Variants in GREB1 observed in about 807,000 individuals in gnomAD.
The protein encoded by GREB1 is protein GREB1.
Under a neutral mutation model 200.7 loss-of-function variants are expected in GREB1, and 106 were observed. That is an observed-to-expected ratio of 0.53 (90% confidence interval 0.45 to 0.62). The LOEUF is 0.62. GREB1 is among the 20% of genes least tolerant of loss of function. GREB1 has a pLI of 0.00. For missense variants in GREB1, 2,243 were observed against 2,556.8 expected, an observed-to-expected ratio of 0.88 and a Z score of 2.65; for synonymous variants, 1,132 against 1,092.4, an observed-to-expected ratio of 1.04 and a Z score of -0.72.
chr2:11,500,101 C>G (rs1035382796), intron 1 of GREB1, among the ~76,000 whole-genome samples: 1 of 152,158 alleles, frequency 6.6e-6, no homozygotes, highest in African/African-American at 2.4e-5. Flanking sequence ...CCTGCTTCAG[C>G]CTCCTGAGTA....
intron 1 of GREB1, among the ~76,000 whole-genome samples, chr2:11,540,985 T>G (rs1674693165): frequency 6.6e-6 from 1 of 152,248 alleles, no homozygotes. Context: ...GTCACCATGC[T>G]TCTGTGTTGG....
At chr2:11,509,320 A>G (rs1313737805) in intron 1 of GREB1, among the ~76,000 whole-genome samples, 2 of 152,186 alleles carry the variant, frequency 1.3e-5, no homozygotes, top group Non-Finnish European at 2.9e-5. Flanking sequence ...CCCCATATAT[A>G]TATTTCCCAG....
chr2:11,599,934 G>A (rs1681633791), intron 15 of GREB1, among the ~76,000 whole-genome samples: 2 of 152,164 alleles, frequency 1.3e-5, no homozygotes, highest in South Asian at 2.1e-4. Context: ...GTGGTTTACC[G>A]GGATTGGTCA....
chr2:11,585,958 A>C (rs1680042241), intron 9 of GREB1, 53 bp downstream of exon 9: 2 of 1,591,954 alleles, frequency 1.3e-6, no homozygotes, highest in Non-Finnish European at 1.7e-6. Flanking sequence ...AAAGGAAGGC[A>C]TGAGAAACAG....
At chr2:11,500,005 G>A (rs764825258) in intron 1 of GREB1, among the ~76,000 whole-genome samples, 33 of 150,794 alleles carry the variant, frequency 2.2e-4, no homozygotes, top group Non-Finnish European at 3.4e-4. Context: ...TTTTTGAGGC[G>A]GAGTCTCACT....
At position 11,569,324 on chromosome 2, in the gene GREB1, A is replaced by G. The variant is rs116606639; in HGVS notation, c.454+2668A>G. On this transcript the variant is annotated intron_variant, in intron 4 of 32. Coordinates refer to ENST00000381486, the MANE Select transcript of GREB1 (RefSeq NM_014668.4). ...AAAGCCTGGACCTTCAGTTACGTCTAGGGGCTGGGTGGGGGGATGCAGGCA... is the reference window on the plus strand; with the variant it reads ...AAAGCCTGGACCTTCAGTTACGTCTGGGGGCTGGGTGGGGGGATGCAGGCA... Among the ~76,000 whole-genome samples the G allele has an allele frequency of 1.0e-2, 1,462 of 146,758 alleles. 22 individuals are homozygous for G. The highest frequency in any genetic ancestry group is 0.034 in the African/African-American group (1,374 of 40,684).
In GREB1 at chr2:11,630,672, A is replaced by G. The variant is rs575375043; in HGVS notation, c.4611+563A>G. 1.2e-4 allele frequency among the ~76,000 whole-genome samples: 19 copies of G among 152,318 alleles called. No individual in the cohort carries two copies. The South Asian group carries it at 3.9e-3, about 32-fold the overall frequency. ...TAAATCCCAGACCTCAAATCATGTC[A>G]TCTATCTATACATATTTATACCTAT... On this transcript the variant is annotated intron_variant, in intron 26 of 32. Coordinates refer to ENST00000381486, the MANE Select transcript of GREB1 (RefSeq NM_014668.4).
rs140938943 is a variant in GREB1 at position 11,618,390 on chromosome 2, C to G, written c.3515C>G (p.Ala1172Gly). Residue 1172 changes from alanine to glycine, a missense_variant, in exon 22 of 33, where the codon GCC (alanine) becomes GGC (glycine). Around this residue, in one of 3 missense-constraint regions of GREB1, gnomAD observed 587 missense variants for 553.1 expected, o/e 1.06. Transcript: ENST00000381486. ...QPRGPAEEGRAPGEKQRPRAS... is the reference protein window; with the variant it reads ...QPRGPAEEGRGPGEKQRPRAS... ...CGTGGCCCCGCAGAGGAGGGCAGAGCCCCTGGTGAGAAACAGAGGCCCCGG... is the reference window on the plus strand; with the variant it reads ...CGTGGCCCCGCAGAGGAGGGCAGAGGCCCTGGTGAGAAACAGAGGCCCCGG... 25,925 of 1,611,618 alleles carry G rather than the reference C, an allele frequency of 0.016. 267 individuals are homozygous for G. The highest frequency in any genetic ancestry group is 0.035 in the South Asian group (3,176 of 90,912).
chr2:11,598,759 G>A lies in GREB1; in HGVS notation c.2232G>A (p.Thr744=), dbSNP rs769981783. The A allele has an allele frequency of 3.1e-6, 5 of 1,614,102 alleles. No individual in the cohort carries two copies. The highest frequency in any genetic ancestry group is 1.6e-4 in the Middle Eastern group (1 of 6,062). The change falls in exon 15 of 33, where the codon ACG becomes ACA. Residue 744 remains threonine (T), a synonymous_variant. Transcript: ENST00000381486. The stretch of plus-strand genomic sequence containing the variant: ...AACAGTATGTTCTGAAGCTAGACAC[G>A]GAGGCACAGACAAAATTTAAGGCTT... ...RVEQYVLKLD[T]EAQTKFKAFL... is the part of the protein sequence containing the mutation.
rs752093085 is a variant in GREB1, at chr2:11,598,709, G to A, written c.2182G>A (p.Glu728Lys). The A allele has an allele frequency of 6.2e-7, 1 of 1,614,198 alleles. No individual in the cohort carries two copies. The highest frequency in any genetic ancestry group is 8.5e-7 in the Non-Finnish European group (1 of 1,180,036). The change falls in exon 15 of 33, where the codon GAG (glutamate) becomes AAG (lysine). Residue 728 changes from glutamate (E) to lysine (K), a missense_variant. Physicochemically the swap from Glu to Lys is moderately conservative, Grantham distance 56. Transcript: ENST00000381486. ...GVLLELGLKKEHMTKQRVEQY... is the reference protein window; with the variant it reads ...GVLLELGLKKKHMTKQRVEQY... ...TTTGCTGGAGCTTGGTCTGAAGAAA[G>A]AGCACATGACGAAGCAGAGGGTGGA...
chr2:11,555,079 G>A (rs1320569833), intron 1 of GREB1, among the ~76,000 whole-genome samples: 2 of 152,132 alleles, frequency 1.3e-5, no homozygotes, highest in Non-Finnish European at 2.9e-5. Flanking sequence ...AGAGAATAAC[G>A]TATAGCCTTA....
chr2:11,524,702 C>T (rs1673814004), intron 1 of GREB1, among the ~76,000 whole-genome samples: 2 of 152,204 alleles, frequency 1.3e-5, no homozygotes, highest in African/African-American at 4.8e-5. Context: ...GTCATCTTCT[C>T]TTCACTGGTT....
chr2:11,595,034 G>A (rs1467031483), intron 11 of GREB1, among the ~76,000 whole-genome samples: 1 of 149,302 alleles, frequency 6.7e-6, no homozygotes, highest in Non-Finnish European at 1.5e-5. Context: ...CTTGATGTGA[G>A]TGGGACTTGC....
At chr2:11,630,759 C>G (rs1019675231) in intron 26 of GREB1, among the ~76,000 whole-genome samples, 3 of 152,162 alleles carry the variant, frequency 2.0e-5, no homozygotes, top group African/African-American at 7.2e-5. Context: ...TTGAAGAGGT[C>G]GTTCTGAACG....
chr2:11,606,179 G>A (rs998178197), intron 17 of GREB1, among the ~76,000 whole-genome samples: 2 of 152,176 alleles, frequency 1.3e-5, no homozygotes, highest in Non-Finnish European at 2.9e-5. Flanking sequence ...ATGTACATGG[G>A]TTTCACGTCT....
intron 1 of GREB1, among the ~76,000 whole-genome samples, chr2:11,504,790 A>G (rs1409433515): frequency 6.6e-6 from 1 of 152,210 alleles, no homozygotes; most frequent in Non-Finnish European, 1.5e-5. Context: ...GGCCATTATG[A>G]ATAATTCGAC....
At chr2:11,526,822 C>T (rs1029135737) in intron 1 of GREB1, among the ~76,000 whole-genome samples, 15 of 152,184 alleles carry the variant, frequency 9.9e-5, no homozygotes, top group East Asian at 5.8e-4. Context: ...CCTCCCAAAG[C>T]GCTGAGATTA....
At chr2:11,581,131 A>G (rs1465316466) in intron 7 of GREB1, 3 of 601,866 alleles carry the variant, frequency 5.0e-6, no homozygotes, top group African/African-American at 1.9e-5. Context: ...AGAATTTTGG[A>G]GCAATAGTGG....
chr2:11,506,277 T>C (rs917473289), intron 1 of GREB1, among the ~76,000 whole-genome samples: 8 of 152,182 alleles, frequency 5.3e-5, no homozygotes, highest in African/African-American at 1.9e-4. Context: ...GGTTTGGTAA[T>C]GTGCCAACAG....
Sources: gnomAD v4.1 joint callset for allele counts (sites outside exome capture counted in the v4.1 genomes callset) on GRCh38, gnomAD v4.1.1 for gene constraint, gnomAD v4.1.1 regional missense constraint, MANE v1.5 for transcripts, NCBI Gene and HGNC (gene_info 2026-07-23, HGNC 2026-07-21) for gene names.